Variants in ARSF observed in about 807,000 individuals in gnomAD.
ARSF encodes arylsulfatase F.
ARSF carries 33 observed loss-of-function variants against 35.4 expected under a neutral mutation model. That is an observed-to-expected ratio of 0.93 (90% confidence interval 0.71 to 1.25). The LOEUF (loss-of-function observed/expected upper bound fraction) is 1.25, where lower values mean the gene tolerates loss of function less well. Among genes scored for constraint, ARSF ranks in the 50% most tolerant of loss-of-function variants. ARSF has a pLI of 0.00. For synonymous variants in ARSF, 222 were observed against 193.1 expected (o/e 1.15, Z -1.24); for missense variants, 501 against 480.2 (o/e 1.04, Z -0.40).
intron 1 of ARSF, among the ~76,000 whole-genome samples, chrX:3,063,457 C>A (rs1439023810): frequency 9.0e-5 from 10 of 111,219 alleles, no homozygotes; most frequent in Non-Finnish European, 1.5e-4. Flanking sequence ...CTGGTCAGGG[C>A]AATCAGGCAA....
chrX:3,071,991 G>A (rs753014637), intron 2 of ARSF, 35 bp from the exon 3 acceptor site: 2 of 1,205,081 alleles, frequency 1.7e-6, no homozygotes, highest in South Asian at 3.5e-5. Flanking sequence ...ACCCAGAGAA[G>A]CCTGATACCA....
At position 3,060,536 on chromosome X, in the gene ARSF, A is replaced by G. The variant is rs184292512; in HGVS notation, c.-28-7537A>G. ...TTCTCCGAGCTAAAGGAAATGTTCA[A>G]ACCCATCGCAAGGACGCTAAAAACC... On this transcript the variant is annotated intron_variant, in intron 1 of 10. Coordinates refer to ENST00000381127, the MANE Select transcript of ARSF (RefSeq NM_001201539.2). Among the ~76,000 whole-genome samples the G allele has an allele frequency of 8.1e-5, 9 of 111,757 alleles. No individual in the cohort carries two copies. The Middle Eastern group carries it at 0.014, about 172-fold the overall frequency.
At chrX:3,060,855 G>A (rs2090038956) in intron 1 of ARSF, among the ~76,000 whole-genome samples, 1 of 111,996 alleles carries the variant, frequency 8.9e-6, no homozygotes, top group Admixed American at 9.5e-5. Context: ...ACCTGAAAGT[G>A]ACAGGGAGAA....
At chrX:3,091,071 C>T (rs182797514) in intron 7 of ARSF, among the ~76,000 whole-genome samples, 5 of 110,738 alleles carry the variant, frequency 4.5e-5, no homozygotes, top group African/African-American at 9.9e-5. Context: ...CATGCTACTG[C>T]GCCCGGCTAA....
chrX:3,097,683 A>G (rs2090345896), intron 7 of ARSF, among the ~76,000 whole-genome samples: 2 of 112,175 alleles, frequency 1.8e-5, no homozygotes, highest in Non-Finnish European at 3.8e-5. Context: ...TAACCAGAAT[A>G]GTGAACAACA....
Position 3,092,167 on chromosome X carries a change from T to TGATA in ARSF, c.967+2544_967+2547dup, listed in dbSNP as rs36070969. On this transcript the variant is annotated intron_variant, in intron 7 of 10. Transcript: ENST00000381127. ...CGTAGATGATAGGTAGGTAGATAGA[T>TGATA]GATAGATAGATACATACATACATAC... is the stretch of plus-strand genomic sequence containing the variant. Among the ~76,000 whole-genome samples the TGATA allele has an allele frequency of 9.2e-3, 953 of 103,724 alleles. 10 individuals are homozygous for TGATA. Among genetic ancestry groups the TGATA allele is most frequent in the African/African-American group, 0.03 (830 of 27,839 alleles). The allele number at this position is 103,724 out of a possible 115,157, so 90.1% of individuals were successfully genotyped here. A position where few individuals can be genotyped will look rare whatever the true frequency, so the allele number is the denominator to read the frequency against.
In ARSF at chrX:3,071,375, C is replaced by A. The variant is rs1356635648; in HGVS notation, c.12-651C>A. ...CTGGAGTGCAGTGGCACAATCTTGG[C>A]TCACTGCAACCTCCGCCTCCCGGGT... On this transcript the variant is annotated intron_variant, in intron 2 of 10. Transcript: ENST00000381127. Among the ~76,000 whole-genome samples, 20 of 110,747 alleles carry A rather than the reference C, an allele frequency of 1.8e-4. No homozygotes were observed. In the Admixed American group the frequency reaches 1.9e-3, roughly 11 times the overall value.
At chrX:3,079,342 ATTTT>A (rs57390116) in intron 4 of ARSF, among the ~76,000 whole-genome samples, 7 of 71,155 alleles carry the variant, frequency 9.8e-5, no homozygotes, top group Admixed American at 1.7e-4. Flanking sequence ...GCATGGTTCT[ATTTT>A]TTTTTTTTTT....
intron 1 of ARSF, among the ~76,000 whole-genome samples, chrX:3,060,643 C>T (rs1192794782): frequency 8.9e-6 from 1 of 111,774 alleles, no homozygotes; most frequent in Non-Finnish European, 1.9e-5. Context: ...CTGAAAACCA[C>T]AGCATAAGAG....
intron 1 of ARSF, among the ~76,000 whole-genome samples, chrX:3,047,219 C>A (rs2089979158): frequency 2.7e-5 from 3 of 109,679 alleles, no homozygotes; most frequent in Non-Finnish European, 5.7e-5. Context: ...CATTCTGTCA[C>A]CCAGACTGGA....
In ARSF at chrX:3,068,053, G is replaced by A. The variant is rs753205427; in HGVS notation, c.-28-20G>A. On this transcript the variant is annotated intron_variant, in intron 1 of 10. Coordinates refer to ENST00000381127, the MANE Select transcript of ARSF (RefSeq NM_001201539.2). ...TTTTTTTTTTGGTCTTTTAAATCACGTCTGTGTCTTCTGCCAAAGACAACA... is the reference window on the plus strand; with the variant it reads ...TTTTTTTTTTGGTCTTTTAAATCACATCTGTGTCTTCTGCCAAAGACAACA... 42 of 1,106,879 alleles carry A rather than the reference G, an allele frequency of 3.8e-5. No homozygotes were observed. Among genetic ancestry groups the A allele is most frequent in the Admixed American group, 2.3e-4 (8 of 34,528 alleles). 91.2% of individuals were successfully genotyped at this position (1,106,879 alleles called of 1,213,427 possible). A position where few individuals can be genotyped will look rare whatever the true frequency, so the allele number is the denominator to read the frequency against.
At chrX:3,086,426 GA>G (rs2090248593) in intron 6 of ARSF, among the ~76,000 whole-genome samples, 1 of 112,136 alleles carries the variant, frequency 8.9e-6, no homozygotes, top group African/African-American at 3.2e-5. Context: ...TAAAGACTTG[GA>G]CGTTGTGACA....
At chrX:3,081,354 A>G (rs1265039773) in intron 5 of ARSF, among the ~76,000 whole-genome samples, 1 of 111,726 alleles carries the variant, frequency 9.0e-6, no homozygotes, top group Non-Finnish European at 1.9e-5. Flanking sequence ...TTATTTTTAA[A>G]ACAGAGGAGT....
chrX:3,086,390 G>GA (rs1427216677), intron 6 of ARSF, among the ~76,000 whole-genome samples: 3 of 112,155 alleles, frequency 2.7e-5, no homozygotes, highest in Non-Finnish European at 5.6e-5. Flanking sequence ...ATATTGAATG[G>GA]AAAAAACAAT....
At chrX:3,068,038 GGTC>G in intron 1 of ARSF, 32 bp from the exon 2 acceptor site, 1 of 777,653 alleles carries the variant, frequency 1.3e-6, no homozygotes, top group Admixed American at 4.8e-5. Context: ...TTTTTTTTTT[GGTC>G]TTTTAAATCA....
At chrX:3,080,101 G>A (rs185333742) in intron 4 of ARSF, among the ~76,000 whole-genome samples, 2 of 110,187 alleles carry the variant, frequency 1.8e-5, no homozygotes, top group East Asian at 5.7e-4. Flanking sequence ...TCCAGATAGC[G>A]GTTCTTGGAG....
At chrX:3,069,182 G>T (rs1298028745) in intron 2 of ARSF, among the ~76,000 whole-genome samples, 1 of 111,686 alleles carries the variant, frequency 9.0e-6, no homozygotes, top group Non-Finnish European at 1.9e-5. Flanking sequence ...GGACTCAGGT[G>T]GTCCTCAGAG....
intron 1 of ARSF, among the ~76,000 whole-genome samples, chrX:3,046,997 A>G (rs1366778248): frequency 9.0e-6 from 1 of 110,593 alleles, no homozygotes; most frequent in Non-Finnish European, 1.9e-5. Flanking sequence ...TAACATTTTC[A>G]GAAAGTTTAC....
At chrX:3,092,875 T>C (rs145000784) in intron 7 of ARSF, among the ~76,000 whole-genome samples, 89 of 112,429 alleles carry the variant, frequency 7.9e-4, no homozygotes, top group African/African-American at 2.7e-3. Context: ...TCCTGCCTTT[T>C]ATAATTATCA....
Sources: allele counts gnomAD v4.1 joint callset (sites outside exome capture counted in the v4.1 genomes callset), GRCh38; gene constraint gnomAD v4.1.1; transcripts MANE v1.5; gene names NCBI Gene and HGNC (gene_info 2026-07-23, HGNC 2026-07-21).